TLL2: variants seen among roughly 807,000 people sequenced by gnomAD.
The protein encoded by TLL2 is tolloid like 2.
TLL2 carries 106 observed loss-of-function variants against 123.0 expected under a neutral mutation model. The ratio of observed to expected loss-of-function variants is 0.86; its 90% CI spans 0.74 to 1.01. The LOEUF is 1.01. Ranked by LOEUF, TLL2 falls within the 50% of genes least tolerant of loss-of-function variation. The probability of loss-of-function intolerance (pLI) is 0.00; values close to 1 mark genes in which losing one functional copy is unlikely to be tolerated. For synonymous variants in TLL2, 494 were observed against 516.8 expected (o/e 0.96, Z 0.60); for missense variants, 1,332 against 1,336.7 (o/e 1.00, Z 0.06).
intron 9 of TLL2, among the ~76,000 whole-genome samples, chr10:96,408,206 G>A (rs974381547): frequency 3.3e-5 from 5 of 152,208 alleles, no homozygotes; most frequent in African/African-American, 9.6e-5. Context: ...GAAAGGAAAT[G>A]TTAGTACAAC....
chr10:96,423,701 T>G (rs1589419124), intron 5 of TLL2, among the ~76,000 whole-genome samples: 2 of 152,310 alleles, frequency 1.3e-5, no homozygotes, highest in East Asian at 3.9e-4. Flanking sequence ...GATATGTGCA[T>G]TTGAAATTTT....
At chr10:96,480,077 C>T (rs1847296823) in intron 2 of TLL2, among the ~76,000 whole-genome samples, 1 of 152,174 alleles carries the variant, frequency 6.6e-6, no homozygotes. Flanking sequence ...TGCTGAACCC[C>T]GAGGCCAGAG....
chr10:96,477,346 ATTTTAATTT>A (rs1156481708), intron 2 of TLL2, among the ~76,000 whole-genome samples: 1 of 106,834 alleles, frequency 9.4e-6, no homozygotes, highest in Non-Finnish European at 1.8e-5. Context: ...TTTAATTTTA[ATTTTAATTT>A]TTTTTTTTTT....
At chr10:96,506,920 G>C (rs1032769717) in intron 1 of TLL2, among the ~76,000 whole-genome samples, 3 of 152,168 alleles carry the variant, frequency 2.0e-5, no homozygotes, top group Non-Finnish European at 4.4e-5. Context: ...TCTGTCCACA[G>C]AGGCATCAAA....
rs900152424 is a variant in TLL2 at position 96,396,014 on chromosome 10, CA to C, written c.1390del (p.Cys464AlafsTer5). The part of the protein sequence containing the change: ...KGFFAAYEAT[C>X]GGDMNKDAGQ... ...GGCATCTTTGTTCATGTCTCCCCCG[CA>C]GGTAGCTTTAGAAAGAGACATCAGG... On this transcript the variant is annotated frameshift_variant, in exon 12 of 21. Coordinates refer to ENST00000357947, the MANE Select transcript of TLL2 (RefSeq NM_012465.4). LOFTEE classifies it high-confidence loss of function. 2 of 1,614,000 alleles carry C rather than the reference CA, an allele frequency of 1.2e-6. No individual in the cohort carries two copies. The highest frequency in any genetic ancestry group is 8.5e-7 in the Non-Finnish European group (1 of 1,179,958).
At chr10:96,448,160 C>T (rs1023783838) in intron 2 of TLL2, among the ~76,000 whole-genome samples, 5 of 152,218 alleles carry the variant, frequency 3.3e-5, no homozygotes, top group African/African-American at 9.6e-5. Context: ...GGAGGCTCCG[C>T]GCCTGCATCC....
At chr10:96,499,766 A>T (rs1589437472) in intron 1 of TLL2, among the ~76,000 whole-genome samples, 1 of 152,242 alleles carries the variant, frequency 6.6e-6, no homozygotes, top group Non-Finnish European at 1.5e-5. Context: ...AATTAGAAAA[A>T]TGAGCAGGAA....
At chr10:96,383,621 T>C (rs1482784385) in intron 16 of TLL2, among the ~76,000 whole-genome samples, 3 of 152,070 alleles carry the variant, frequency 2.0e-5, no homozygotes, top group African/African-American at 4.8e-5. Flanking sequence ...TCATTTTTTA[T>C]TTTTTATTTT....
intron 4 of TLL2, among the ~76,000 whole-genome samples, chr10:96,431,615 C>T (rs889532124): frequency 4.6e-5 from 7 of 152,122 alleles, no homozygotes; most frequent in African/African-American, 1.2e-4. Flanking sequence ...TAGGATGTGC[C>T]GCGCCCTGCT....
At chr10:96,445,780 G>A (rs551223621) in intron 3 of TLL2, among the ~76,000 whole-genome samples, 49 of 152,066 alleles carry the variant, frequency 3.2e-4, no homozygotes, top group Non-Finnish European at 6.5e-4. Context: ...CGCCAGCCCC[G>A]CTCACGTCCA....
chr10:96,376,151 A>T (rs1266667589), intron 18 of TLL2, among the ~76,000 whole-genome samples: 1 of 152,264 alleles, frequency 6.6e-6, no homozygotes, highest in African/African-American at 2.4e-5. Flanking sequence ...TGTAGAAAAA[A>T]TACGAATGGG....
At chr10:96,402,376 A>G (rs1846405057) in intron 10 of TLL2, among the ~76,000 whole-genome samples, 1 of 152,128 alleles carries the variant, frequency 6.6e-6, no homozygotes, top group Non-Finnish European at 1.5e-5. Flanking sequence ...CTCTGACCCA[A>G]TTTGTGGGGA....
chr10:96,510,995 A>G (rs1847624336), intron 1 of TLL2, among the ~76,000 whole-genome samples: 1 of 152,210 alleles, frequency 6.6e-6, no homozygotes, highest in Non-Finnish European at 1.5e-5. Context: ...TCGTCCCGGT[A>G]ACACAGATCC....
chr10:96,384,650 G>T lies in TLL2; in HGVS notation c.2131C>A (p.Arg711Ser). 6.2e-7 allele frequency: 1 copy of T among 1,612,226 alleles called. No homozygotes were observed. Among genetic ancestry groups the T allele is most frequent in the Non-Finnish European group, 8.5e-7 (1 of 1,178,910 alleles). ...GTGTTGTCGGACTTGAACTCCACGCGCATGTTGTTGCTCTGCGAGGTGATG... is the reference window on the plus strand; with the variant it reads ...GTGTTGTCGGACTTGAACTCCACGCTCATGTTGTTGCTCTGCGAGGTGATG... ...EVITSQSNNMRVEFKSDNTVS... is the reference protein window; with the variant it reads ...EVITSQSNNMSVEFKSDNTVS... The change falls in exon 16 of 21, where the codon CGC becomes AGC. Residue 711 changes from arginine (R) to serine (S), a missense_variant. Coordinates refer to ENST00000357947, the MANE Select transcript of TLL2 (RefSeq NM_012465.4).
intron 8 of TLL2, among the ~76,000 whole-genome samples, chr10:96,411,471 C>T (rs905993197): frequency 6.6e-6 from 1 of 152,026 alleles, no homozygotes; most frequent in African/African-American, 2.4e-5. Context: ...GCTATTCTGC[C>T]CTTGAATGTT....
chr10:96,455,463 T>G (rs1473175152), intron 2 of TLL2, among the ~76,000 whole-genome samples: 1 of 152,116 alleles, frequency 6.6e-6, no homozygotes, highest in East Asian at 1.9e-4. Flanking sequence ...GGTTAAGGTG[T>G]TCTTAGTCAC....
intron 2 of TLL2, among the ~76,000 whole-genome samples, chr10:96,469,058 C>T (rs1026242903): frequency 6.6e-6 from 1 of 152,248 alleles, no homozygotes; most frequent in African/African-American, 2.4e-5. Context: ...GGAATAACTG[C>T]CAGGCTGCGC....
At chr10:96,441,862 C>T (rs546528361) in intron 3 of TLL2, among the ~76,000 whole-genome samples, 1 of 152,306 alleles carries the variant, frequency 6.6e-6, no homozygotes, top group African/African-American at 2.4e-5. Context: ...GGAATTCCAG[C>T]GTCGAGTGCT....
intron 2 of TLL2, among the ~76,000 whole-genome samples, chr10:96,471,910 G>A (rs1847187752): frequency 6.6e-6 from 1 of 152,028 alleles, no homozygotes; most frequent in African/African-American, 2.4e-5. Context: ...GTCTGTGTGC[G>A]TGCGTGTGTG....
Sources: allele counts gnomAD v4.1 joint callset (sites outside exome capture counted in the v4.1 genomes callset), GRCh38; gene constraint gnomAD v4.1.1; transcripts MANE v1.5; gene names NCBI Gene and HGNC (gene_info 2026-07-23, HGNC 2026-07-21).